The following MAST1 variants were observed in gnomAD, a reference collection of about 807,000 sequenced individuals.
MAST1 encodes the protein microtubule associated serine/threonine kinase 1.
MAST1 carries 40 observed loss-of-function variants against 124.6 expected under a neutral mutation model. The observed-to-expected ratio is 0.32, with a 90% CI of 0.25 to 0.42. The LOEUF (loss-of-function observed/expected upper bound fraction) is 0.42, where lower values mean the gene tolerates loss of function less well. Ranked by LOEUF, MAST1 falls within the 10% of genes least tolerant of loss-of-function variation. MAST1 has a pLI of 1.00. For synonymous variants in MAST1, 938 were observed against 939.4 expected (o/e 1.00, Z 0.03); for missense variants, 1,558 against 2,181.9 (o/e 0.71, Z 5.70).
intron 12 of MAST1, 73 bp downstream of exon 12, chr19:12,858,812 G>T: frequency 6.9e-7 from 1 of 1,449,682 alleles, no homozygotes; most frequent in Non-Finnish European, 9.6e-7. Context: ...TGGCCTGCCT[G>T]AGCCGCAGTC....
chr19:12,869,100 C>G lies in MAST1; in HGVS notation c.2808C>G (p.Pro936=), dbSNP rs371226037. ...ATGGAAGTTCACCCCTTGCTAGTCC[C>G]ATGTCTCCACGATCTCTGTCCTCCA... ...DPHGSSPLAS[P]MSPRSLSSNP... Residue 936 remains proline (P), a synonymous_variant, in exon 22 of 26, where the codon CCC becomes CCG. Transcript: ENST00000251472. 2 of 1,614,210 alleles carry G rather than the reference C, an allele frequency of 1.2e-6. No individual in the cohort carries two copies. The highest frequency in any genetic ancestry group is 1.7e-6 in the Non-Finnish European group (2 of 1,180,042).
Position 12,873,635 on chromosome 19 carries a change from G to A in MAST1, c.3478G>A (p.Ala1160Thr), listed in dbSNP as rs1599593887. Reference protein sequence around the residue: ...LGASSQSSSPASSTPNSPASS... With the variant: ...LGASSQSSSPTSSTPNSPASS... ...CGCCTCATCCCAGAGCAGCTCCCCA[G>A]CCTCGAGCACGCCCAACTCGCCTGC... The change falls in exon 26 of 26, where the codon GCC (alanine) becomes ACC (threonine). Residue 1160 changes from alanine to threonine, a missense_variant. Around this residue, in one of 10 missense-constraint regions of MAST1, gnomAD observed 291 missense variants for 475.8 expected, o/e 0.61. Transcript: ENST00000251472. The A allele has an allele frequency of 1.3e-6, 2 of 1,592,530 alleles. No homozygotes were observed. Among genetic ancestry groups the A allele is most frequent in the South Asian group, 1.1e-5 (1 of 90,610 alleles).
Position 12,858,525 on chromosome 19 carries a change from C to A in MAST1, c.1158-6C>A, listed in dbSNP as rs751086304. 1 of 1,614,008 alleles carries A rather than the reference C, an allele frequency of 6.2e-7. No individual in the cohort carries two copies. Among genetic ancestry groups the A allele is most frequent in the Non-Finnish European group, 8.5e-7 (1 of 1,179,874 alleles). ...GACGGCCGGTCCTCGCTCTCTCCCCCTGCAGCGCTGTCTACCTGGTGCGGC... is the reference window on the plus strand; with the variant it reads ...GACGGCCGGTCCTCGCTCTCTCCCCATGCAGCGCTGTCTACCTGGTGCGGC... On this transcript the variant is annotated splice_region_variant and splice_polypyrimidine_tract_variant and intron_variant, in intron 11 of 25. Coordinates refer to ENST00000251472, the MANE Select transcript of MAST1 (RefSeq NM_014975.3).
At position 12,841,344 on chromosome 19, in the gene MAST1, G is replaced by A. The variant is rs1227512150; in HGVS notation, c.248+278G>A. 2.0e-5 allele frequency among the ~76,000 whole-genome samples: 3 copies of A among 152,258 alleles called. No homozygotes were observed. The highest frequency in any genetic ancestry group is 2.4e-5 in the African/African-American group (1 of 41,478). ...CTGGGCGCGGGGTCTTAGTCTCTCC[G>A]AGCCTTGCTCTCCTGGCCAGGTGTT... On this transcript the variant is annotated intron_variant, in intron 3 of 25. Coordinates refer to ENST00000251472, the MANE Select transcript of MAST1 (RefSeq NM_014975.3). This position sits in a 1 kb window ranked among gnomAD's most constrained non-coding sequence, Gnocchi z 4.3.
At chr19:12,861,583 G>C (rs8107930) in intron 12 of MAST1, among the ~76,000 whole-genome samples, 6,728 of 152,320 alleles carry the variant, frequency 0.044, 175 homozygotes, top group African/African-American at 0.07. Flanking sequence ...GGGCGCTGAT[G>C]AGGAGGGTAT....
chr19:12,866,365 T>C lies in MAST1; in HGVS notation c.2029+263T>C, dbSNP rs1599589259. Among the ~76,000 whole-genome samples the C allele has an allele frequency of 6.6e-6, 1 of 151,942 alleles. No homozygotes were observed. The highest frequency in any genetic ancestry group is 1.9e-4 in the East Asian group (1 of 5,172). On this transcript the variant is annotated intron_variant, in intron 17 of 25. Transcript: ENST00000251472. This position sits in a 1 kb window ranked among gnomAD's most constrained non-coding sequence, Gnocchi z 5.2. ...TGAGTTGTGAGTGTGGGCCTGGAACTGAACTAGAGAGAGGTACTAGCGCTC... is the reference window on the plus strand; with the variant it reads ...TGAGTTGTGAGTGTGGGCCTGGAACCGAACTAGAGAGAGGTACTAGCGCTC...
chr19:12,855,953 T>TG (rs1195247304), intron 10 of MAST1, among the ~76,000 whole-genome samples: 1 of 151,938 alleles, frequency 6.6e-6, no homozygotes, highest in African/African-American at 2.4e-5. Context: ...TTTTTTTTTT[T>TG]TTTGCCATTT....
chr19:12,868,216 C>G (rs1435704914), intron 20 of MAST1, among the ~76,000 whole-genome samples: 1 of 147,274 alleles, frequency 6.8e-6, no homozygotes, highest in Non-Finnish European at 1.5e-5. Flanking sequence ...TCAAGTGGTT[C>G]TCGCACCTCA....
At position 12,874,129 on chromosome 19, in the gene MAST1, G is replaced by C; in HGVS notation, c.3972G>C (p.Arg1324=). 5.2e-6 allele frequency: 8 copies of C among 1,542,858 alleles called. No individual in the cohort carries two copies. Among genetic ancestry groups the C allele is most frequent in the Non-Finnish European group, 7.0e-6 (8 of 1,146,578 alleles). The change falls in exon 26 of 26, where the codon CGG becomes CGC. Residue 1324 remains arginine, a synonymous_variant. Coordinates refer to ENST00000251472, the MANE Select transcript of MAST1 (RefSeq NM_014975.3). The surrounding 1 kb of genome is among the most constrained non-coding windows in gnomAD (Gnocchi z 6.6). ...TPPVEGLGAP[R]QVAVRRLGRQ... is the part of the protein sequence containing the mutation. ...CAGTCGAGGGCCTTGGCGCGCCCCG[G>C]CAGGTCGCCGTCCGCCGCCTGGGCC...
chr19:12,865,599 C>A lies in MAST1; in HGVS notation c.1804+118C>A. The A allele has an allele frequency of 6.8e-7, 1 of 1,471,672 alleles. No homozygotes were observed. The highest frequency in any genetic ancestry group is 1.3e-5 in the South Asian group (1 of 76,774). The allele number at this position is 1,471,672 out of a possible 1,614,324, so 91.2% of individuals were successfully genotyped here. A position where few individuals can be genotyped will look rare whatever the true frequency, so the allele number is the denominator to read the frequency against. Reference sequence around the variant, plus strand: ...AGAGGATCGCTTGCACTCAGGAGGTCAAGGCTGCAGTGAGCCATGATCGTG... The same window carrying A: ...AGAGGATCGCTTGCACTCAGGAGGTAAAGGCTGCAGTGAGCCATGATCGTG... On this transcript the variant is annotated intron_variant, in intron 15 of 25. Transcript: ENST00000251472. This position sits in a 1 kb window ranked among gnomAD's most constrained non-coding sequence, Gnocchi z 7.1.
At position 12,874,323 on chromosome 19, in the gene MAST1, C is replaced by T. The variant is rs1164094892; in HGVS notation, c.4166C>T (p.Thr1389Met). Residue 1389 changes from threonine (T) to methionine (M), a missense_variant, in exon 26 of 26, where the codon ACG becomes ATG. Physicochemically the swap from Thr to Met is moderately conservative, Grantham distance 81. Coordinates refer to ENST00000251472, the MANE Select transcript of MAST1 (RefSeq NM_014975.3). The surrounding 1 kb of genome is among the most constrained non-coding windows in gnomAD (Gnocchi z 6.6). The stretch of plus-strand genomic sequence containing the variant: ...ACCCTGGAGCGGGACGTCGGCTGCA[C>T]GCGGCATCAGAGCGTGCAGACGGAG... Reference protein sequence around the residue: ...GRTLERDVGCTRHQSVQTEDG... With the variant: ...GRTLERDVGCMRHQSVQTEDG... The T allele has an allele frequency of 6.3e-7, 1 of 1,595,048 alleles. No homozygotes were observed. The highest frequency in any genetic ancestry group is 1.3e-5 in the African/African-American group (1 of 74,836).
At chr19:12,852,463 C>T in intron 10 of MAST1, 68 bp downstream of exon 10, 1 of 1,434,560 alleles carries the variant, frequency 7.0e-7, no homozygotes, top group South Asian at 1.2e-5. Context: ...TCATCTCCGG[C>T]TTCTTTGCCC....
intron 12 of MAST1, among the ~76,000 whole-genome samples, chr19:12,862,203 C>T (rs1970092720): frequency 6.6e-6 from 1 of 151,702 alleles, no homozygotes; most frequent in South Asian, 2.1e-4. Flanking sequence ...CGGATTTTCA[C>T]CATGTTGGCC....
chr19:12,867,788 G>C lies in MAST1; in HGVS notation c.2377G>C (p.Gly793Arg). 2.6e-6 allele frequency: 4 copies of C among 1,563,136 alleles called. No individual in the cohort carries two copies. Among genetic ancestry groups the C allele is most frequent in the Non-Finnish European group, 3.5e-6 (4 of 1,155,866 alleles). Residue 793 changes from glycine to arginine, a missense_variant, in exon 20 of 26, where the codon GGC becomes CGC. By Grantham distance (125) the Gly-to-Arg change is moderately radical (BLOSUM62 -2). Around this residue, in one of 10 missense-constraint regions of MAST1, gnomAD observed 287 missense variants for 308.0 expected, o/e 0.93. Coordinates refer to ENST00000251472, the MANE Select transcript of MAST1 (RefSeq NM_014975.3). ...GGAGGGAGAGGCCAGTCCCCCTTTG[G>C]GCGCCCGCCGCCGTTTCTCGGCGCT... Reference protein sequence around the residue: ...FLEGEASPPLGARRRFSALLE... With the variant: ...FLEGEASPPLRARRRFSALLE...
Position 12,838,530 on chromosome 19 carries a change from G to C in MAST1, c.-43G>C, listed in dbSNP as rs1466839794. ...CCGCGCCGCCGCCGCCGCCGCCTCC[G>C]CCGCTGCTGCCGCACCTGCCACCAT... On this transcript the variant is annotated 5_prime_UTR_variant, in exon 1 of 26. Coordinates refer to ENST00000251472, the MANE Select transcript of MAST1 (RefSeq NM_014975.3). This position sits in a 1 kb window ranked among gnomAD's most constrained non-coding sequence, Gnocchi z 4.3. The C allele has an allele frequency of 7.0e-7, 1 of 1,422,270 alleles. No individual in the cohort carries two copies. Among genetic ancestry groups the C allele is most frequent in the Non-Finnish European group, 9.3e-7 (1 of 1,073,678 alleles). 88.1% of individuals were successfully genotyped at this position (1,422,270 alleles called of 1,614,324 possible).
In MAST1 at chr19:12,868,100, G is replaced by A. The variant is rs1050613148; in HGVS notation, c.2566+123G>A. The stretch of plus-strand genomic sequence containing the variant: ...TCAGGTCCTATTCACATTGCAATTT[G>A]GGATTTTTTTTTTTTTTTTTTTTTT... On this transcript the variant is annotated intron_variant, in intron 20 of 25. Coordinates refer to ENST00000251472, the MANE Select transcript of MAST1 (RefSeq NM_014975.3). 6.0e-6 allele frequency: 4 copies of A among 671,498 alleles called. No individual in the cohort carries two copies. In the African/African-American group the frequency reaches 8.2e-5, roughly 14 times the overall value. The allele number at this position is 671,498 out of a possible 1,614,324, so 41.6% of individuals were successfully genotyped here. A position where few individuals can be genotyped will look rare whatever the true frequency, so the allele number is the denominator to read the frequency against.
At position 12,847,098 on chromosome 19, in the gene MAST1, C is replaced by T. The variant is rs1969902774; in HGVS notation, c.328-192C>T. 6.8e-6 allele frequency: 4 copies of T among 588,524 alleles called. No homozygotes were observed. Among genetic ancestry groups the T allele is most frequent in the Non-Finnish European group, 9.1e-6 (3 of 329,304 alleles). The allele number at this position is 588,524 out of a possible 1,614,324, so 36.5% of individuals were successfully genotyped here. A position where few individuals can be genotyped will look rare whatever the true frequency, so the allele number is the denominator to read the frequency against. ...AGCTTTAACAGACTCACTGTCTCCA[C>T]CCCTGTCTGTCCCTGTCCACCTGTC... On this transcript the variant is annotated intron_variant, in intron 4 of 25. Transcript: ENST00000251472. The surrounding 1 kb of genome is among the most constrained non-coding windows in gnomAD (Gnocchi z 5.5).
chr19:12,854,642 T>G (rs1969999340), intron 10 of MAST1, among the ~76,000 whole-genome samples: 1 of 152,226 alleles, frequency 6.6e-6, no homozygotes, highest in South Asian at 2.1e-4. Flanking sequence ...AATAGTGCTC[T>G]TATGAATGTG....
In MAST1 at chr19:12,874,425, G is replaced by A. The variant is rs748651629; in HGVS notation, c.4268G>A (p.Arg1423His). The A allele has an allele frequency of 1.3e-6, 2 of 1,598,418 alleles. No individual in the cohort carries two copies. The highest frequency in any genetic ancestry group is 2.2e-5 in the South Asian group (2 of 90,956). Residue 1423 changes from arginine (R) to histidine (H), a missense_variant, in exon 26 of 26, where the codon CGC (arginine) becomes CAC (histidine). By Grantham distance (29) the Arg-to-His change is conservative (BLOSUM62 0). Around this residue, in one of 10 missense-constraint regions of MAST1, gnomAD observed 263 missense variants for 310.9 expected, o/e 0.85. Coordinates refer to ENST00000251472, the MANE Select transcript of MAST1 (RefSeq NM_014975.3). This position sits in a 1 kb window ranked among gnomAD's most constrained non-coding sequence, Gnocchi z 6.6. ...SPVQEHETGR[R>H]SSSGEAGTPL... ...GTGCAGGAACACGAGACAGGCCGGC[G>A]CAGCAGCTCTGGCGAGGCGGGCACA... is the stretch of plus-strand genomic sequence containing the variant.
Sources: allele counts gnomAD v4.1 joint callset (sites outside exome capture counted in the v4.1 genomes callset), GRCh38; gene constraint gnomAD v4.1.1; regional missense constraint gnomAD v4.1.1; non-coding constraint Gnocchi (gnomAD v3.1); transcripts MANE v1.5; gene names NCBI Gene and HGNC (gene_info 2026-07-23, HGNC 2026-07-21).